DIAPH3: variants seen among roughly 807,000 people sequenced by gnomAD.
DIAPH3 encodes diaphanous related formin 3.
In DIAPH3, 117 loss-of-function variants were observed where a neutral mutation model predicts 144.3. That is an observed-to-expected ratio of 0.81 (90% CI 0.70 to 0.95). The LOEUF (loss-of-function observed/expected upper bound fraction) is 0.95, where lower values mean the gene tolerates loss of function less well. Ranked by LOEUF, DIAPH3 falls within the 40% of genes least tolerant of loss-of-function variation. DIAPH3 has a pLI of 0.00. For missense variants in DIAPH3, 1,421 were observed against 1,412.7 expected, an observed-to-expected ratio of 1.01 and a Z score of -0.09; for synonymous variants, 519 against 488.9, an observed-to-expected ratio of 1.06 and a Z score of -0.81.
At chr13:59,960,497 C>G (rs1329764178) in intron 17 of DIAPH3, among the ~76,000 whole-genome samples, 1 of 152,096 alleles carries the variant, frequency 6.6e-6, no homozygotes, top group Non-Finnish European at 1.5e-5. Context: ...GTTATCACGC[C>G]TCCTGCAAAC....
intron 25 of DIAPH3, among the ~76,000 whole-genome samples, chr13:59,798,816 A>G (rs1318693850): frequency 6.6e-6 from 1 of 152,164 alleles, no homozygotes; most frequent in Non-Finnish European, 1.5e-5. Flanking sequence ...CATTCATCCC[A>G]GGAGGAAGTG....
intron 1 of DIAPH3, among the ~76,000 whole-genome samples, chr13:60,146,078 TAAA>T (rs1247441032): frequency 1.3e-5 from 2 of 152,206 alleles, no homozygotes; most frequent in African/African-American, 4.8e-5. Flanking sequence ...TTTTATCTCT[TAAA>T]AGGAATCAAA....
chr13:59,970,000 T>C lies in DIAPH3; in HGVS notation c.2018A>G (p.Tyr673Cys), dbSNP rs2050264924. 1.2e-6 allele frequency: 2 copies of C among 1,610,146 alleles called. No individual in the cohort carries two copies. The highest frequency in any genetic ancestry group is 1.3e-5 in the African/African-American group (1 of 74,846). ...TTTACAAAGCAAATCCACGTTTTCA[T>C]ACTTATTTTCATTTACTTTTATCCA... ...CFWIKVNENK[Y>C]ENVDLLCKLE... The change falls in exon 17 of 28, where the codon TAT becomes TGT. Residue 673 changes from tyrosine to cysteine, a missense_variant. By Grantham distance (194) the Tyr-to-Cys change is radical. Coordinates refer to ENST00000400324, the MANE Select transcript of DIAPH3 (RefSeq NM_001042517.2).
At chr13:59,792,696 C>T (rs540902128) in intron 25 of DIAPH3, among the ~76,000 whole-genome samples, 1 of 152,326 alleles carries the variant, frequency 6.6e-6, no homozygotes, top group South Asian at 2.1e-4. Context: ...TGCCCTGGCA[C>T]CACTGTTTTC....
At chr13:60,151,937 T>A (rs1048258891) in intron 1 of DIAPH3, among the ~76,000 whole-genome samples, 4 of 152,218 alleles carry the variant, frequency 2.6e-5, no homozygotes, top group African/African-American at 9.6e-5. Context: ...ATTGTCATTA[T>A]GCAAGGAATT....
At chr13:59,783,064 T>C (rs1176985088) in intron 25 of DIAPH3, among the ~76,000 whole-genome samples, 1 of 152,202 alleles carries the variant, frequency 6.6e-6, no homozygotes, top group Non-Finnish European at 1.5e-5. Flanking sequence ...GTCAAATTTC[T>C]ACTTTAGAAA....
intron 22 of DIAPH3, among the ~76,000 whole-genome samples, chr13:59,852,158 G>T (rs1022776093): frequency 2.0e-5 from 3 of 152,100 alleles, no homozygotes; most frequent in African/African-American, 7.2e-5. Flanking sequence ...CATCACAGTG[G>T]TAGACACTTA....
intron 5 of DIAPH3, among the ~76,000 whole-genome samples, chr13:60,035,760 A>G (rs947126104): frequency 3.3e-5 from 5 of 152,300 alleles, no homozygotes; most frequent in Admixed American, 1.3e-4. Flanking sequence ...TTAATAACCT[A>G]CCTAATACTT....
chr13:60,018,633 C>T (rs2053812311), intron 5 of DIAPH3, among the ~76,000 whole-genome samples: 1 of 152,074 alleles, frequency 6.6e-6, no homozygotes, highest in Non-Finnish European at 1.5e-5. Context: ...CTCTATAAAA[C>T]AAAACTTATT....
rs893180630 is a variant in DIAPH3 at position 59,828,776 on chromosome 13, A to G, written c.3027+4331T>C. ...CATGGTAACAAAAATAAAGCTAAAG[A>G]AAATTACAATGCAAACTTACTCCCT... is the stretch of plus-strand genomic sequence containing the variant. On this transcript the variant is annotated intron_variant, in intron 24 of 27. Coordinates refer to ENST00000400324, the MANE Select transcript of DIAPH3 (RefSeq NM_001042517.2). Among the ~76,000 whole-genome samples, 3 of 151,924 alleles carry G rather than the reference A, an allele frequency of 2.0e-5. No homozygotes were observed. The Admixed American group carries it at 2.0e-4, about 10-fold the overall frequency.
chr13:60,149,811 G>A (rs1951701569), intron 1 of DIAPH3, among the ~76,000 whole-genome samples: 1 of 151,604 alleles, frequency 6.6e-6, no homozygotes, highest in Non-Finnish European at 1.5e-5. Flanking sequence ...CAGCCCTTGG[G>A]GCTGCTCTGC....
chr13:59,780,117 G>A (rs2038660182), intron 25 of DIAPH3, among the ~76,000 whole-genome samples: 1 of 151,692 alleles, frequency 6.6e-6, no homozygotes, highest in African/African-American at 2.4e-5. Context: ...TAAGACCCAT[G>A]CATATGGTAC....
chr13:59,905,546 C>T (rs1325232815), intron 20 of DIAPH3, among the ~76,000 whole-genome samples: 1 of 151,888 alleles, frequency 6.6e-6, no homozygotes, highest in Admixed American at 6.6e-5. Context: ...TATTACTGTC[C>T]CTGTTATAGG....
chr13:59,989,664 A>C (rs1032255214), intron 12 of DIAPH3, among the ~76,000 whole-genome samples: 2 of 151,954 alleles, frequency 1.3e-5, no homozygotes, highest in African/African-American at 4.8e-5. Context: ...GCCACAATTT[A>C]ATCTTTCTCC....
intron 25 of DIAPH3, among the ~76,000 whole-genome samples, chr13:59,796,327 G>A (rs1355203489): frequency 6.6e-6 from 1 of 152,180 alleles, no homozygotes; most frequent in Non-Finnish European, 1.5e-5. Context: ...ACACTATGCT[G>A]AACATGTCAC....
chr13:60,005,748 T>C (rs969227226), intron 9 of DIAPH3, among the ~76,000 whole-genome samples: 1 of 152,196 alleles, frequency 6.6e-6, no homozygotes, highest in East Asian at 1.9e-4. Flanking sequence ...CCCAAAGTGC[T>C]AGGATTACAG....
intron 27 of DIAPH3, among the ~76,000 whole-genome samples, chr13:59,741,915 T>G (rs1416418059): frequency 4.6e-5 from 7 of 152,172 alleles, no homozygotes; most frequent in African/African-American, 1.7e-4. Context: ...CATATTGTAT[T>G]AGTCTTTTCT....
At chr13:59,802,677 T>TTTTTA (rs2039995302) in intron 25 of DIAPH3, among the ~76,000 whole-genome samples, 2 of 67,500 alleles carry the variant, frequency 3.0e-5, no homozygotes, top group East Asian at 3.9e-4. Context: ...ATTTTTTTTT[T>TTTTTA]TTTTTTTTTT....
chr13:59,825,161 A>T (rs2041316856), intron 24 of DIAPH3, among the ~76,000 whole-genome samples: 1 of 151,994 alleles, frequency 6.6e-6, no homozygotes, highest in Non-Finnish European at 1.5e-5. Flanking sequence ...AGCATTAGGT[A>T]TATCTCCTAA....
Sources: gnomAD v4.1 joint callset for allele counts (sites outside exome capture counted in the v4.1 genomes callset) on GRCh38, gnomAD v4.1.1 for gene constraint, MANE v1.5 for transcripts, NCBI Gene and HGNC (gene_info 2026-07-23, HGNC 2026-07-21) for gene names.